Variants in RFC3 observed in about 807,000 individuals in gnomAD.
RFC3 encodes the protein replication factor C subunit 3.
RFC3 carries 41 observed loss-of-function variants against 45.1 expected under a neutral mutation model. The observed-to-expected ratio is 0.91, with a 90% CI of 0.71 to 1.18. RFC3 has a LOEUF of 1.18. Among genes scored for constraint, RFC3 ranks in the 50% most tolerant of loss-of-function variants. RFC3 has a pLI of 0.00. For missense variants in RFC3, 423 were observed against 428.1 expected, an observed-to-expected ratio of 0.99 and a Z score of 0.10; for synonymous variants, 149 against 144.0, an observed-to-expected ratio of 1.03 and a Z score of -0.25.
rs547947112 is a variant in RFC3, at chr13:33,824,273, G to T, written c.293+289G>T. Reference sequence around the variant, plus strand: ...TTGTCAGTAAATTTTTGTTAATTATGTTGGCTCATTCATTACTGATGAGCA... The same window carrying T: ...TTGTCAGTAAATTTTTGTTAATTATTTTGGCTCATTCATTACTGATGAGCA... On this transcript the variant is annotated intron_variant, in intron 3 of 8. Transcript: ENST00000380071. Among the ~76,000 whole-genome samples the T allele has an allele frequency of 7.6e-4, 115 of 152,158 alleles. No individual in the cohort carries two copies. The South Asian group carries it at 8.3e-3, about 11-fold the overall frequency.
At chr13:33,920,029 T>TCC (rs913273869) in intron 8 of RFC3, among the ~76,000 whole-genome samples, 2 of 152,166 alleles carry the variant, frequency 1.3e-5, no homozygotes, top group African/African-American at 4.8e-5. Flanking sequence ...TTACTCTTGT[T>TCC]CCTGCCTAAG....
At chr13:33,915,029 A>G (rs2082724803) in intron 8 of RFC3, among the ~76,000 whole-genome samples, 2 of 152,188 alleles carry the variant, frequency 1.3e-5, no homozygotes, top group South Asian at 4.1e-4. Flanking sequence ...TCAAAATCCA[A>G]GATGGCACCT....
At chr13:33,852,297 C>A (rs1158485711) in intron 8 of RFC3, among the ~76,000 whole-genome samples, 2 of 152,152 alleles carry the variant, frequency 1.3e-5, no homozygotes, top group East Asian at 3.9e-4. Flanking sequence ...AATCAGTGAA[C>A]CTACTTGACG....
At chr13:33,937,523 C>A (rs866326082) in intron 8 of RFC3, among the ~76,000 whole-genome samples, 12 of 152,232 alleles carry the variant, frequency 7.9e-5, no homozygotes, top group Middle Eastern at 6.8e-3. Context: ...CTTGAGGTCA[C>A]CTAGCTAGCA....
chr13:33,947,967 A>G (rs2082964634), intron 8 of RFC3, among the ~76,000 whole-genome samples: 1 of 152,178 alleles, frequency 6.6e-6, no homozygotes, highest in African/African-American at 2.4e-5. Context: ...ATGTGATAGA[A>G]AAGAAAACCC....
At chr13:33,821,949 G>A (rs975590905) in intron 2 of RFC3, among the ~76,000 whole-genome samples, 4 of 152,148 alleles carry the variant, frequency 2.6e-5, no homozygotes, top group Non-Finnish European at 4.4e-5. Flanking sequence ...TGAAAAGATT[G>A]TATTTGTTTT....
intron 8 of RFC3, among the ~76,000 whole-genome samples, chr13:33,937,893 C>G (rs756252591): frequency 6.6e-5 from 10 of 152,080 alleles, no homozygotes; most frequent in Non-Finnish European, 1.0e-4. Flanking sequence ...TGTGGAGTAT[C>G]TGGCTCTCCT....
intron 8 of RFC3, among the ~76,000 whole-genome samples, chr13:33,911,455 G>A (rs562096166): frequency 1.6e-4 from 24 of 152,106 alleles, no homozygotes; most frequent in African/African-American, 2.9e-4. Flanking sequence ...TTAGACACCC[G>A]TCTTAATCCA....
At chr13:33,892,739 C>G (rs929208172) in intron 8 of RFC3, among the ~76,000 whole-genome samples, 8 of 151,966 alleles carry the variant, frequency 5.3e-5, no homozygotes, top group African/African-American at 1.9e-4. Context: ...AGACAAAAAC[C>G]AAAAACAAAT....
intron 8 of RFC3, among the ~76,000 whole-genome samples, chr13:33,897,318 T>G (rs944304833): frequency 6.6e-6 from 1 of 152,048 alleles, no homozygotes; most frequent in Admixed American, 6.6e-5. Flanking sequence ...CTATTTTTTG[T>G]GTGATCTAAG....
intron 8 of RFC3, among the ~76,000 whole-genome samples, chr13:33,948,690 C>G (rs565104650): frequency 6.6e-6 from 1 of 152,228 alleles, no homozygotes; most frequent in Non-Finnish European, 1.5e-5. Context: ...GAGCCTACCT[C>G]TTGCATCAGC....
intron 8 of RFC3, among the ~76,000 whole-genome samples, chr13:33,930,989 T>G (rs1329424448): frequency 6.6e-6 from 1 of 152,128 alleles, no homozygotes; most frequent in East Asian, 1.9e-4. Flanking sequence ...TCTTAGAGTT[T>G]TTTTTAGTGA....
At position 33,917,779 on chromosome 13, in the gene RFC3, A is replaced by G. The variant is rs142116619; in HGVS notation, c.880-48308A>G. Among the ~76,000 whole-genome samples, 7 of 152,200 alleles carry G rather than the reference A, an allele frequency of 4.6e-5. No homozygotes were observed. In the East Asian group the frequency reaches 1.4e-3, roughly 29 times the overall value. On this transcript the variant is annotated intron_variant, in intron 8 of 8. Transcript: ENST00000434425. The stretch of plus-strand genomic sequence containing the variant: ...TGTCTGTGAAAGATTTTTCTCACTT[A>G]AAAATGAAAAGAGACCCTTTTGTCT...
At chr13:33,838,686 G>C (rs1041954671), downstream of RFC3, among the ~76,000 whole-genome samples, 13 of 151,934 alleles carry the variant, frequency 8.6e-5, no homozygotes, top group Admixed American at 8.6e-4. Context: ...ATTATGAGTT[G>C]TATTAGTTGC....
intron 8 of RFC3, among the ~76,000 whole-genome samples, chr13:33,884,507 G>A (rs979110200): frequency 6.6e-6 from 1 of 152,174 alleles, no homozygotes; most frequent in Non-Finnish European, 1.5e-5. Flanking sequence ...ACCGTCTTCT[G>A]AATTGTCTCT....
intron 8 of RFC3, among the ~76,000 whole-genome samples, chr13:33,870,093 C>T (rs1465826023): frequency 1.3e-5 from 2 of 152,092 alleles, no homozygotes; most frequent in Admixed American, 6.5e-5. Context: ...AAGGTGTGCT[C>T]GGAATATTTT....
intron 3 of RFC3, 77 bp from the exon 4 acceptor site, chr13:33,825,712 A>T: frequency 1.4e-6 from 1 of 699,662 alleles, no homozygotes. Context: ...AATTTTGACC[A>T]CTTAAGAACT....
At chr13:33,974,385 G>C in the RFC3 span, among the ~76,000 whole-genome samples, 1 of 151,812 alleles carries the variant, frequency 6.6e-6, no homozygotes, top group Non-Finnish European at 1.5e-5. Flanking sequence ...TAGCCCATTA[G>C]CAGTCACATC....
chr13:33,916,994 C>T (rs982289404), intron 8 of RFC3, among the ~76,000 whole-genome samples: 4 of 152,042 alleles, frequency 2.6e-5, no homozygotes, highest in Non-Finnish European at 5.9e-5. Context: ...TAAATGAGTG[C>T]AGGAGACTTC....
Sources: allele counts gnomAD v4.1 joint callset (sites outside exome capture counted in the v4.1 genomes callset), GRCh38; gene constraint gnomAD v4.1.1; transcripts MANE v1.5; gene names NCBI Gene and HGNC (gene_info 2026-07-23, HGNC 2026-07-21).